Variants in UBASH3A observed in about 807,000 individuals in gnomAD.
UBASH3A encodes ubiquitin-associated and SH3 domain-containing protein A.
Under a neutral mutation model 73.5 loss-of-function variants are expected in UBASH3A, and 63 were observed. The observed-to-expected ratio is 0.86, with a 90% CI of 0.70 to 1.06. The LOEUF (loss-of-function observed/expected upper bound fraction) is 1.06. UBASH3A is among the 50% of genes least tolerant of loss of function. UBASH3A has a pLI of 0.00. For synonymous variants in UBASH3A, 363 were observed against 351.1 expected (o/e 1.03, Z -0.38); for missense variants, 860 against 859.0 (o/e 1.00, Z -0.02).
chr21:42,404,849 G>A (rs2052937200), intron 1 of UBASH3A, among the ~76,000 whole-genome samples: 2 of 152,212 alleles, frequency 1.3e-5, no homozygotes, highest in African/African-American at 4.8e-5. Flanking sequence ...AGGCCTGCAT[G>A]TGGAAGAGCT....
intron 8 of UBASH3A, among the ~76,000 whole-genome samples, chr21:42,430,317 T>C (rs79775308): frequency 0.038 from 5,812 of 152,296 alleles, 116 homozygotes; most frequent in African/African-American, 0.051. Flanking sequence ...CCTTCCTCCC[T>C]GAGGGTGTTT....
intron 2 of UBASH3A, among the ~76,000 whole-genome samples, chr21:42,408,822 G>T (rs1379710419): frequency 6.6e-6 from 1 of 151,188 alleles, no homozygotes; most frequent in African/African-American, 2.4e-5. Context: ...GGTGGAGGTT[G>T]CAGTGAGCTG....
At chr21:42,428,291 C>T (rs1431522955) in intron 8 of UBASH3A, among the ~76,000 whole-genome samples, 1 of 152,188 alleles carries the variant, frequency 6.6e-6, no homozygotes, top group Non-Finnish European at 1.5e-5. Flanking sequence ...TGGTGCAAAT[C>T]AGCCCAAAGC....
intron 7 of UBASH3A, among the ~76,000 whole-genome samples, chr21:42,421,444 T>C (rs2053336812): frequency 6.6e-6 from 1 of 152,234 alleles, no homozygotes; most frequent in Non-Finnish European, 1.5e-5. Context: ...TATATTTCAC[T>C]CATTTGTTTA....
rs1227950816 is a variant in UBASH3A, at chr21:42,413,057, G to A, written c.388G>A (p.Ala130Thr). 6.2e-7 allele frequency: 1 copy of A among 1,614,138 alleles called. No individual in the cohort carries two copies. The highest frequency in any genetic ancestry group is 1.3e-5 in the African/African-American group (1 of 74,936). Reference sequence around the variant, plus strand: ...CCAGAAGGTGGAATGCCTGTACGAGGCGCTGAAGAGAGCTGGAGACAGGCT... The same window carrying A: ...CCAGAAGGTGGAATGCCTGTACGAGACGCTGAAGAGAGCTGGAGACAGGCT... ...EDQKVECLYE[A>T]LKRAGDRLLG... The change falls in exon 4 of 15, where the codon GCG (alanine) becomes ACG (threonine). Residue 130 changes from alanine to threonine, a missense_variant. By Grantham distance (58) the Ala-to-Thr change is moderately conservative. Coordinates refer to ENST00000319294, the MANE Select transcript of UBASH3A (RefSeq NM_018961.4). The surrounding 1 kb of genome is among the most constrained non-coding windows in gnomAD (Gnocchi z 4.5).
chr21:42,411,699 G>A (rs2053101078), intron 3 of UBASH3A, among the ~76,000 whole-genome samples: 1 of 152,194 alleles, frequency 6.6e-6, no homozygotes, highest in African/African-American at 2.4e-5. Context: ...CTCACAGGCA[G>A]AAGAGTGTAA....
chr21:42,424,736 C>T (rs889283277), intron 7 of UBASH3A, among the ~76,000 whole-genome samples: 2 of 152,200 alleles, frequency 1.3e-5, no homozygotes, highest in African/African-American at 4.8e-5. Context: ...TGCATTCTGC[C>T]AACATTCATA....
chr21:42,407,615 C>A (rs936921844), intron 2 of UBASH3A, among the ~76,000 whole-genome samples: 7 of 152,182 alleles, frequency 4.6e-5, no homozygotes, highest in African/African-American at 1.7e-4. Flanking sequence ...ATCATTAGAG[C>A]AAACAAGGTA....
Position 42,403,925 on chromosome 21 carries a change from T to G in UBASH3A, c.-21T>G. On this transcript the variant is annotated 5_prime_UTR_variant, in exon 1 of 15. Coordinates refer to ENST00000319294, the MANE Select transcript of UBASH3A (RefSeq NM_018961.4). ...TCATTTCTGTGTGCAGGCGAGCTTC[T>G]TGGCCTAAGGGCAGGAAGAGATGGC... 3 of 1,452,804 alleles carry G rather than the reference T, an allele frequency of 2.1e-6. No individual in the cohort carries two copies. The highest frequency in any genetic ancestry group is 2.8e-6 in the Non-Finnish European group (3 of 1,085,268). The allele number at this position is 1,452,804 out of a possible 1,614,324, so 90.0% of individuals were successfully genotyped here. A position where few individuals can be genotyped will look rare whatever the true frequency, so the allele number is the denominator to read the frequency against.
In UBASH3A at chr21:42,413,418, G is replaced by A. The variant is rs547906042; in HGVS notation, c.562G>A (p.Val188Ile). Reference sequence around the variant, plus strand: ...CACCTGTCCTCACCCAGGCACTTCCGTTTCCCGCTTCTGGATTTTCAGCCA... The same window carrying A: ...CACCTGTCCTCACCCAGGCACTTCCATTTCCCGCTTCTGGATTTTCAGCCA... Reference protein sequence around the residue: ...TEASLLAGTSVSRFWIFSQVP... With the variant: ...TEASLLAGTSISRFWIFSQVP... Residue 188 changes from valine to isoleucine, a missense_variant, in exon 5 of 15, where the codon GTT (valine) becomes ATT (isoleucine). By Grantham distance (29) the Val-to-Ile change is conservative. Transcript: ENST00000319294. The surrounding 1 kb of genome is among the most constrained non-coding windows in gnomAD (Gnocchi z 4.5). 51 of 1,613,246 alleles carry A rather than the reference G, an allele frequency of 3.2e-5. No individual in the cohort carries two copies. The highest frequency in any genetic ancestry group is 2.1e-4 in the African/African-American group (16 of 74,946).
intron 8 of UBASH3A, among the ~76,000 whole-genome samples, chr21:42,431,408 G>A: frequency 6.6e-6 from 1 of 152,402 alleles, no homozygotes; most frequent in Admixed American, 6.5e-5. Flanking sequence ...GCTGCCTGAG[G>A]CTGGGGAGGA....
chr21:42,444,457 C>A, intron 13 of UBASH3A, 77 bp from the exon 14 acceptor site: 2 of 1,111,154 alleles, frequency 1.8e-6, no homozygotes, highest in Middle Eastern at 2.0e-4. Flanking sequence ...CTGCCCCCCA[C>A]CACTTTGGGG....
intron 2 of UBASH3A, 99 bp downstream of exon 2, chr21:42,406,460 C>T (rs1044399296): frequency 2.1e-5 from 22 of 1,065,866 alleles, no homozygotes; most frequent in Admixed American, 1.4e-4. Context: ...AAGAGCCGGG[C>T]GCCTCTGGGT....
rs377676400 is a variant in UBASH3A at position 42,442,466 on chromosome 21, A to G, written c.1501A>G (p.Lys501Glu). 1.1e-4 allele frequency: 183 copies of G among 1,613,820 alleles called. No homozygotes were observed. The highest frequency in any genetic ancestry group is 1.7e-4 in the Admixed American group (10 of 59,968). The change falls in exon 12 of 15, where the codon AAA (lysine) becomes GAA (glutamate). Residue 501 changes from lysine to glutamate, a missense_variant. Lys to Glu is a moderately conservative substitution (Grantham distance 56). Transcript: ENST00000319294. ...GTTGAATCCAGAACTCAAACTGGAG[A>G]AAAAAATCAAGATACGAGTGGAACC... ...KLILEELKLE[K>E]KIKIRVEPGI... is the part of the protein sequence containing the mutation.
rs143788285 is a variant in UBASH3A at position 42,404,126 on chromosome 21, G to T, written c.113+68G>T. ...GGTGCCAGACCCTGCTGCGGCCCCC[G>T]GCATGGAGCTGCAGGGGTGTAGGGT... On this transcript the variant is annotated intron_variant, in intron 1 of 14. Transcript: ENST00000319294. 1.3e-3 allele frequency: 1,169 copies of T among 908,652 alleles called. 13 individuals carry two copies. In the African/African-American group the frequency reaches 0.018, roughly 14 times the overall value. The allele number at this position is 908,652 out of a possible 1,614,324, so 56.3% of individuals were successfully genotyped here. A position where few individuals can be genotyped will look rare whatever the true frequency, so the allele number is the denominator to read the frequency against.
rs566553823 is a variant in UBASH3A, at chr21:42,407,929, C to T, written c.168-1493C>T. 6.6e-5 allele frequency among the ~76,000 whole-genome samples: 10 copies of T among 152,304 alleles called. No individual in the cohort carries two copies. In the South Asian group the frequency reaches 8.3e-4, roughly 13 times the overall value. On this transcript the variant is annotated intron_variant, in intron 2 of 14. Transcript: ENST00000319294. ...TATTACACAGCCTTTAACAAATTCGCGCTGACAAACTTCACTAGACACGTG... is the reference window on the plus strand; with the variant it reads ...TATTACACAGCCTTTAACAAATTCGTGCTGACAAACTTCACTAGACACGTG...
At chr21:42,417,888 T>C (rs2053251169) in intron 6 of UBASH3A, among the ~76,000 whole-genome samples, 1 of 140,824 alleles carries the variant, frequency 7.1e-6, no homozygotes, top group African/African-American at 2.7e-5. Flanking sequence ...CTTTTTTTTT[T>C]TTTTTTTTTT....
chr21:42,431,196 C>T (rs1485050841), intron 8 of UBASH3A, among the ~76,000 whole-genome samples: 1 of 152,200 alleles, frequency 6.6e-6, no homozygotes, highest in Non-Finnish European at 1.5e-5. Flanking sequence ...ATCAGCCCTG[C>T]ACAGCATGGG....
chr21:42,414,503 T>G (rs1022318921), intron 5 of UBASH3A, among the ~76,000 whole-genome samples: 1 of 151,244 alleles, frequency 6.6e-6, no homozygotes, highest in African/African-American at 2.4e-5. Context: ...CGGTGTCCCC[T>G]AAAAATGTTT....
Sources: allele counts gnomAD v4.1 joint callset (sites outside exome capture counted in the v4.1 genomes callset), GRCh38; gene constraint gnomAD v4.1.1; non-coding constraint Gnocchi (gnomAD v3.1); transcripts MANE v1.5; gene names NCBI Gene and HGNC (gene_info 2026-07-23, HGNC 2026-07-21).